Variants in KCNQ3 observed in about 807,000 individuals in gnomAD.
KCNQ3 encodes the protein potassium voltage-gated channel subfamily KQT member 3.
In KCNQ3, 30 loss-of-function variants were observed where a neutral mutation model predicts 92.5. The observed-to-expected ratio is 0.32, with a 90% CI of 0.24 to 0.44. The LOEUF is 0.44. Among genes scored for constraint, KCNQ3 ranks in the 20% least tolerant of loss-of-function variants. KCNQ3 has a pLI of 1.00. For missense variants in KCNQ3, 913 were observed against 1,140.3 expected, an observed-to-expected ratio of 0.80 and a Z score of 2.87; for synonymous variants, 450 against 468.8, an observed-to-expected ratio of 0.96 and a Z score of 0.52.
chr8:132,455,649 T>C (rs149408838), intron 1 of KCNQ3, among the ~76,000 whole-genome samples: 1 of 152,366 alleles, frequency 6.6e-6, no homozygotes, highest in East Asian at 1.9e-4. Flanking sequence ...AGCAGATACT[T>C]ACACTCTCAT....
At chr8:132,352,721 G>A (rs569730194) in intron 1 of KCNQ3, among the ~76,000 whole-genome samples, 1 of 152,270 alleles carries the variant, frequency 6.6e-6, no homozygotes, top group South Asian at 2.1e-4. Flanking sequence ...TTTTAACACT[G>A]TTGTGGCAAA....
At chr8:132,277,570 G>A (rs752593629) in intron 1 of KCNQ3, among the ~76,000 whole-genome samples, 10 of 152,210 alleles carry the variant, frequency 6.6e-5, no homozygotes, top group Admixed American at 2.6e-4. Flanking sequence ...ACAGATTTTT[G>A]AGCGTCTTTT....
chr8:132,272,870 C>T (rs1350793463), intron 1 of KCNQ3, among the ~76,000 whole-genome samples: 2 of 152,192 alleles, frequency 1.3e-5, no homozygotes, highest in African/African-American at 4.8e-5. Flanking sequence ...CATGTCCTCA[C>T]ATTTCAAAAC....
intron 1 of KCNQ3, among the ~76,000 whole-genome samples, chr8:132,274,704 CTT>C (rs1359518002): frequency 6.6e-6 from 1 of 152,168 alleles, no homozygotes; most frequent in African/African-American, 2.4e-5. Flanking sequence ...GGAACATGAC[CTT>C]CAGTAGCAGA....
chr8:132,415,836 A>T (rs1820786220), intron 1 of KCNQ3, among the ~76,000 whole-genome samples: 1 of 152,244 alleles, frequency 6.6e-6, no homozygotes. Context: ...TCTGGCATGA[A>T]AATTTCATGG....
At chr8:132,355,669 T>C (rs1276265950) in intron 1 of KCNQ3, among the ~76,000 whole-genome samples, 1 of 152,104 alleles carries the variant, frequency 6.6e-6, no homozygotes, top group Admixed American at 6.5e-5. Context: ...AGAAGGGGAA[T>C]GCTGGTGGGA....
chr8:132,384,030 G>A (rs1819829628), intron 1 of KCNQ3, among the ~76,000 whole-genome samples: 2 of 152,194 alleles, frequency 1.3e-5, no homozygotes, highest in Admixed American at 6.5e-5. Context: ...GGGAGTCAGT[G>A]TTAGAACACC....
chr8:132,469,287 T>A (rs1339060029), intron 1 of KCNQ3, among the ~76,000 whole-genome samples: 1 of 152,204 alleles, frequency 6.6e-6, no homozygotes, highest in Admixed American at 6.5e-5. Context: ...GAACCCAATA[T>A]AGACAAGGTC....
chr8:132,302,210 G>C (rs1034143270), intron 1 of KCNQ3, among the ~76,000 whole-genome samples: 1 of 152,204 alleles, frequency 6.6e-6, no homozygotes, highest in African/African-American at 2.4e-5. Flanking sequence ...TGGCAATGAA[G>C]CTGGAGCAGA....
At chr8:132,374,716 C>T (rs1819564766) in intron 1 of KCNQ3, among the ~76,000 whole-genome samples, 1 of 152,092 alleles carries the variant, frequency 6.6e-6, no homozygotes, top group Admixed American at 6.6e-5. Context: ...TCTGTTATTC[C>T]CCTCTGTGCA....
At chr8:132,313,803 A>T (rs1024932574) in intron 1 of KCNQ3, among the ~76,000 whole-genome samples, 12 of 152,174 alleles carry the variant, frequency 7.9e-5, no homozygotes, top group Non-Finnish European at 1.5e-4. Context: ...AAAATATATC[A>T]TTGTTTTCAA....
chr8:132,297,080 T>C (rs1195435915), intron 1 of KCNQ3, among the ~76,000 whole-genome samples: 2 of 152,226 alleles, frequency 1.3e-5, no homozygotes, highest in Admixed American at 6.5e-5. Context: ...ATGATCACCA[T>C]TCTAACTGGT....
Position 132,121,074 on chromosome 8 carries a change from T to C in KCNQ3, c.*8188A>G, listed in dbSNP as rs1296622441. On this transcript the variant is annotated 3_prime_UTR_variant, in exon 15 of 15. Transcript: ENST00000388996. ...GCACTAAAGGCCACTTGTGGAATAG[T>C]TGTGTTCCCCTGTAAGCCAGAATGT... The C allele has an allele frequency of 6.6e-6, 1 of 152,204 alleles. No homozygotes were observed. Among genetic ancestry groups the C allele is most frequent in the East Asian group, 1.9e-4 (1 of 5,198 alleles). 9.4% of individuals were successfully genotyped at this position (152,204 alleles called of 1,614,324 possible).
At chr8:132,235,562 A>T (rs2130386804) in intron 1 of KCNQ3, among the ~76,000 whole-genome samples, 1 of 152,276 alleles carries the variant, frequency 6.6e-6, no homozygotes, top group East Asian at 1.9e-4. Flanking sequence ...AGAGAGACTT[A>T]CGTGACCACA....
At chr8:132,296,713 A>G (rs985857619) in intron 1 of KCNQ3, among the ~76,000 whole-genome samples, 32 of 152,346 alleles carry the variant, frequency 2.1e-4, no homozygotes, top group Non-Finnish European at 4.1e-4. Flanking sequence ...TAAAAAGGAC[A>G]TGAACTCTTC....
At chr8:132,131,858 T>C (rs1222312015) in intron 14 of KCNQ3, among the ~76,000 whole-genome samples, 1 of 152,076 alleles carries the variant, frequency 6.6e-6, no homozygotes, top group Non-Finnish European at 1.5e-5. Context: ...TAGGCCGAGT[T>C]GGGCAGATCA....
At chr8:132,260,016 T>G (rs939087371) in intron 1 of KCNQ3, among the ~76,000 whole-genome samples, 5 of 152,192 alleles carry the variant, frequency 3.3e-5, no homozygotes, top group Admixed American at 1.3e-4. Context: ...AAATAAATAT[T>G]AAGACATCCT....
intron 1 of KCNQ3, among the ~76,000 whole-genome samples, chr8:132,448,765 G>A (rs1315476247): frequency 6.6e-6 from 1 of 152,222 alleles, no homozygotes; most frequent in African/African-American, 2.4e-5. Context: ...GGCATGGGTT[G>A]ATGGACTTAA....
chr8:132,233,881 G>A (rs1563816993), intron 1 of KCNQ3, among the ~76,000 whole-genome samples: 1 of 152,084 alleles, frequency 6.6e-6, no homozygotes, highest in East Asian at 1.9e-4. Context: ...AAAGCTCTTT[G>A]GATATTTCAG....
Sources: allele counts gnomAD v4.1 joint callset (sites outside exome capture counted in the v4.1 genomes callset), GRCh38; gene constraint gnomAD v4.1.1; transcripts MANE v1.5; gene names NCBI Gene and HGNC (gene_info 2026-07-23, HGNC 2026-07-21).